The following DYSF variants were observed in gnomAD, a reference collection of about 807,000 sequenced individuals.
The protein encoded by DYSF is dystrophy-associated fer-1-like 1.
Under a neutral mutation model 274.9 loss-of-function variants are expected in DYSF, and 212 were observed. That is an observed-to-expected ratio of 0.77 (90% confidence interval 0.69 to 0.86). The LOEUF (loss-of-function observed/expected upper bound fraction) is 0.86, where lower values mean the gene tolerates loss of function less well. Among genes scored for constraint, DYSF ranks in the 40% least tolerant of loss-of-function variants. The pLI, the probability that DYSF is intolerant of heterozygous loss-of-function variation, is 0.00. For missense variants in DYSF, 2,666 were observed against 2,783.2 expected, an observed-to-expected ratio of 0.96 and a Z score of 0.95; for synonymous variants, 1,091 against 1,078.7, an observed-to-expected ratio of 1.01 and a Z score of -0.22.
intron 4 of DYSF, among the ~76,000 whole-genome samples, chr2:71,509,084 G>C (rs1048084108): frequency 6.6e-6 from 1 of 152,126 alleles, no homozygotes; most frequent in African/African-American, 2.4e-5. Flanking sequence ...TTGAACCCCT[G>C]ACCTCAGGTG....
At chr2:71,532,830 TTCTA>T (rs61396446) in intron 14 of DYSF, among the ~76,000 whole-genome samples, 18,302 of 147,440 alleles carry the variant, frequency 0.12, 1,135 homozygotes, top group South Asian at 0.18. Flanking sequence ...AGTACATTTA[TTCTA>T]TCTATCTATC....
At chr2:71,503,791 G>C (rs1317725926) in intron 4 of DYSF, among the ~76,000 whole-genome samples, 3 of 151,374 alleles carry the variant, frequency 2.0e-5, no homozygotes, top group African/African-American at 7.3e-5. Flanking sequence ...CTTTTCCTCC[G>C]TTGTTCTTCC....
At chr2:71,583,124 CT>C (rs2092951879) in intron 30 of DYSF, among the ~76,000 whole-genome samples, 1 of 146,152 alleles carries the variant, frequency 6.8e-6, no homozygotes, top group Non-Finnish European at 1.5e-5. Flanking sequence ...AATATAGTTT[CT>C]TTAGTGGTAA....
chr2:71,621,682 TG>T (rs2094104431), intron 41 of DYSF, among the ~76,000 whole-genome samples: 1 of 151,622 alleles, frequency 6.6e-6, no homozygotes, highest in Admixed American at 6.6e-5. Context: ...TTTTTTGAGA[TG>T]GAGTCTCACT....
In DYSF at chr2:71,570,622, C is replaced by T. The variant is rs960340592; in HGVS notation, c.3109C>T (p.Pro1037Ser). Residue 1037 changes from proline to serine, a missense_variant, in exon 29 of 56, where the codon CCC becomes TCC. This residue lies in a region of DYSF where 1,460 missense variants were observed against 1,502.1 expected (regional missense o/e 0.97). Transcript: ENST00000410020. Reference sequence around the variant, plus strand: ...AGGCTGGGAGTATAGCATCACCATCCCCCCGGAGCGGAAGCCGAAGCACTG... The same window carrying T: ...AGGCTGGGAGTATAGCATCACCATCTCCCCGGAGCGGAAGCCGAAGCACTG... ...EQGWEYSITI[P>S]PERKPKHWVP... 3 of 1,614,054 alleles carry T rather than the reference C, an allele frequency of 1.9e-6. No individual in the cohort carries two copies. Among genetic ancestry groups the T allele is most frequent in the African/African-American group, 1.3e-5 (1 of 75,044 alleles).
At chr2:71,660,798 A>T in intron 45 of DYSF, 147 bp downstream of exon 45, 1 of 708,442 alleles carries the variant, frequency 1.4e-6, no homozygotes, top group Non-Finnish European at 2.5e-6. Flanking sequence ...ATGGGGGCAT[A>T]GCCTCAGTTA....
chr2:71,659,076 C>T (rs777310336), intron 44 of DYSF, 43 bp downstream of exon 44: 39 of 1,613,474 alleles, frequency 2.4e-5, no homozygotes, highest in Middle Eastern at 1.6e-4. Flanking sequence ...GTAGCAGGCT[C>T]AGGTACAAGT....
intron 41 of DYSF, among the ~76,000 whole-genome samples, chr2:71,636,704 A>T (rs1406874049): frequency 6.6e-6 from 1 of 152,148 alleles, no homozygotes; most frequent in Non-Finnish European, 1.5e-5. Context: ...GGACTCATCA[A>T]TGTATGTGCT....
At chr2:71,644,092 G>T (rs1003528665) in intron 42 of DYSF, 29 bp downstream of exon 42, 3 of 1,559,336 alleles carry the variant, frequency 1.9e-6, no homozygotes, top group Non-Finnish European at 1.8e-6. Flanking sequence ...CTGACAGTCG[G>T]TGTGTGTGTG....
chr2:71,571,033 C>A (rs1173602867), intron 29 of DYSF: 1 of 430,324 alleles, frequency 2.3e-6, no homozygotes, highest in Non-Finnish European at 4.1e-6. Flanking sequence ...AGCACACACA[C>A]AGATTACACC....
intron 3 of DYSF, among the ~76,000 whole-genome samples, chr2:71,484,160 C>T (rs1301779088): frequency 4.2e-5 from 6 of 143,412 alleles, no homozygotes; most frequent in African/African-American, 1.5e-4. Context: ...TCAAGCGATT[C>T]TCCTGCCTCA....
At chr2:71,632,806 T>C (rs2094336640) in intron 41 of DYSF, among the ~76,000 whole-genome samples, 1 of 152,152 alleles carries the variant, frequency 6.6e-6, no homozygotes, top group Non-Finnish European at 1.5e-5. Flanking sequence ...GACTCCTGAA[T>C]TGAGAAAGCA....
intron 55 of DYSF, among the ~76,000 whole-genome samples, chr2:71,685,242 C>A (rs1390439666): frequency 2.0e-5 from 3 of 152,218 alleles, no homozygotes; most frequent in African/African-American, 2.4e-5. Flanking sequence ...TCCTGTCCCC[C>A]CAGCAGCGGG....
intron 30 of DYSF, among the ~76,000 whole-genome samples, chr2:71,584,585 G>A (rs530398012): frequency 6.6e-6 from 1 of 152,354 alleles, no homozygotes; most frequent in East Asian, 1.9e-4. Context: ...CTTAGGCCTG[G>A]GTGCTGCACA....
At chr2:71,659,845 A>G (rs1004524155) in intron 44 of DYSF, among the ~76,000 whole-genome samples, 18 of 152,188 alleles carry the variant, frequency 1.2e-4, no homozygotes, top group African/African-American at 3.9e-4. Flanking sequence ...GTGGGGCCTG[A>G]TTTGCCTTTA....
At chr2:71,664,158 G>C in intron 45 of DYSF, 110 bp from the exon 46 acceptor site, 1 of 1,389,724 alleles carries the variant, frequency 7.2e-7, no homozygotes, top group Non-Finnish European at 1.0e-6. Flanking sequence ...AGATCTGTAG[G>C]GGGCCCAAGG....
rs13417592 is a variant in DYSF, at chr2:71,516,076, G to A, written c.889-104G>A. On this transcript the variant is annotated intron_variant, in intron 8 of 55. Transcript: ENST00000410020. Reference sequence around the variant, plus strand: ...GTGCCCAATCCACATTTTCTGAGGGGACTAAACTGCTAGGCGTGGAGGCTT... The same window carrying A: ...GTGCCCAATCCACATTTTCTGAGGGAACTAAACTGCTAGGCGTGGAGGCTT... The A allele has an allele frequency of 0.085, 98,341 of 1,154,886 alleles. 4,589 individuals carry two copies. Among genetic ancestry groups the A allele is most frequent in the African/African-American group, 0.12 (8,010 of 66,074 alleles). The allele number at this position is 1,154,886 out of a possible 1,614,324, so 71.5% of individuals were successfully genotyped here.
chr2:71,589,120 G>C (rs553739023), intron 30 of DYSF, among the ~76,000 whole-genome samples: 1 of 152,262 alleles, frequency 6.6e-6, no homozygotes, highest in East Asian at 1.9e-4. Flanking sequence ...GTGGGAACTG[G>C]TGAGAGATGG....
At chr2:71,634,227 A>T (rs2094358967) in intron 41 of DYSF, among the ~76,000 whole-genome samples, 1 of 152,226 alleles carries the variant, frequency 6.6e-6, no homozygotes, top group South Asian at 2.1e-4. Flanking sequence ...TGACACTTCA[A>T]ATATCAAACC....
Sources: gnomAD v4.1 joint callset for allele counts (sites outside exome capture counted in the v4.1 genomes callset) on GRCh38, gnomAD v4.1.1 for gene constraint, gnomAD v4.1.1 regional missense constraint, MANE v1.5 for transcripts, NCBI Gene and HGNC (gene_info 2026-07-23, HGNC 2026-07-21) for gene names.